Variants in COL20A1 observed in about 807,000 individuals in gnomAD.
COL20A1 encodes the protein collagen type XX alpha 1 chain.
In COL20A1, 164 loss-of-function variants were observed where a neutral mutation model predicts 152.9. The ratio of observed to expected loss-of-function variants is 1.07; its 90% CI spans 0.94 to 1.22. The LOEUF (loss-of-function observed/expected upper bound fraction) is 1.22. Among genes scored for constraint, COL20A1 ranks in the 50% most tolerant of loss-of-function variants. COL20A1 has a pLI of 0.00. For synonymous variants in COL20A1, 864 were observed against 756.0 expected (o/e 1.14, Z -2.34); for missense variants, 1,873 against 1,744.8 (o/e 1.07, Z -1.31).
At chr20:63,325,192 G>T in intron 27 of COL20A1, 1 of 661,606 alleles carries the variant, frequency 1.5e-6, no homozygotes, top group Non-Finnish European at 2.8e-6. Flanking sequence ...TGGGAGGGCT[G>T]GCTGTGACCC....
chr20:63,327,981 A>G lies in COL20A1; in HGVS notation c.3558A>G (p.Gly1186=). The G allele has an allele frequency of 6.2e-7, 1 of 1,608,102 alleles. No individual in the cohort carries two copies. The highest frequency in any genetic ancestry group is 8.5e-7 in the Non-Finnish European group (1 of 1,177,274). ...TGLPGPKGER[G]EKGEPQSLAT... Reference sequence around the variant, plus strand: ...TGCCAGGGCCCAAAGGGGAACGAGGAGAGAAGGTAAGTGAGGCTGAGATCT... The same window carrying G: ...TGCCAGGGCCCAAAGGGGAACGAGGGGAGAAGGTAAGTGAGGCTGAGATCT... Residue 1186 remains glycine (G), a synonymous_variant, in exon 32 of 36, where the codon GGA becomes GGG. Transcript: ENST00000358894.
At chr20:63,316,471 G>T in intron 20 of COL20A1, 82 bp from the exon 21 acceptor site, 1 of 902,550 alleles carries the variant, frequency 1.1e-6, no homozygotes, top group Non-Finnish European at 1.5e-6. Context: ...GGTCCCTCTT[G>T]AGTCCCCGCT....
Position 63,315,395 on chromosome 20 carries a change from T to C in COL20A1, c.2489-9T>C. ...TCCCACTCACACTGACCCTGTCTCC[T>C]CTCAGCAGCCTGCCCAGCCCTCCGC... On this transcript the variant is annotated splice_polypyrimidine_tract_variant and intron_variant, in intron 19 of 35. Transcript: ENST00000358894. 1 of 1,573,814 alleles carries C rather than the reference T, an allele frequency of 6.4e-7. No homozygotes were observed. Among genetic ancestry groups the C allele is most frequent in the South Asian group, 1.2e-5 (1 of 85,886 alleles).
intron 2 of COL20A1, among the ~76,000 whole-genome samples, chr20:63,296,236 C>T (rs1429930342): frequency 6.6e-6 from 1 of 152,384 alleles, no homozygotes; most frequent in Non-Finnish European, 1.5e-5. Flanking sequence ...GTAACCCTGC[C>T]CTGGGGCCAG....
intron 3 of COL20A1, 84 bp downstream of exon 3, chr20:63,298,104 GC>G: frequency 1.2e-6 from 1 of 863,918 alleles, no homozygotes; most frequent in South Asian, 1.5e-5. Context: ...CACCACTCAG[GC>G]CCACAGCATC....
Position 63,314,140 on chromosome 20 carries a change from C to G in COL20A1, c.2427C>G (p.Val809=), listed in dbSNP as rs2068054348. The G allele has an allele frequency of 6.2e-7, 1 of 1,606,394 alleles. No homozygotes were observed. Among genetic ancestry groups the G allele is most frequent in the Non-Finnish European group, 8.5e-7 (1 of 1,176,846 alleles). ...TGCAGGCAGCCACGAAGTACAGGGT[C>G]CTGGTCTCAGCTATCTATGCAGCAG... ...PDLQAATKYR[V]LVSAIYAAGR... is the part of the protein sequence containing the mutation. The change falls in exon 19 of 36, where the codon GTC becomes GTG. Residue 809 remains valine, a synonymous_variant. Transcript: ENST00000358894.
At chr20:63,310,194 C>A (rs1408120960) in intron 10 of COL20A1, among the ~76,000 whole-genome samples, 187 bp from the exon 11 acceptor site, 2 of 152,038 alleles carry the variant, frequency 1.3e-5, no homozygotes, top group Admixed American at 1.3e-4. Context: ...TTTGATTGAT[C>A]GATCGATGGA....
At chr20:63,323,003 C>A (rs2068188373) in intron 27 of COL20A1, among the ~76,000 whole-genome samples, 1 of 152,240 alleles carries the variant, frequency 6.6e-6, no homozygotes, top group African/African-American at 2.4e-5. Context: ...GGGTGGATGT[C>A]CCCACACTGG....
intron 27 of COL20A1, among the ~76,000 whole-genome samples, chr20:63,323,401 T>C (rs2068196798): frequency 6.6e-6 from 1 of 152,234 alleles, no homozygotes; most frequent in Admixed American, 6.5e-5. Context: ...CTGAATTTTG[T>C]ATCCTGTTTT....
rs1449216683 is a variant in COL20A1, at chr20:63,331,212, C to G, written c.*496C>G. 1 of 152,476 alleles carries G rather than the reference C, an allele frequency of 6.6e-6. No individual in the cohort carries two copies. The highest frequency in any genetic ancestry group is 2.1e-4 in the South Asian group (1 of 4,832). The allele number at this position is 152,476 out of a possible 1,614,324, so 9.4% of individuals were successfully genotyped here. A position where few individuals can be genotyped will look rare whatever the true frequency, so the allele number is the denominator to read the frequency against. On this transcript the variant is annotated 3_prime_UTR_variant, in exon 36 of 36. Transcript: ENST00000358894. ...CGCCTCACGCAGGCAACAGATGGTT[C>G]CACTGCTGGCCCACCAGTCACCTGC... is the stretch of plus-strand genomic sequence containing the variant.
At chr20:63,317,651 CT>C (rs1259535237) in intron 21 of COL20A1, among the ~76,000 whole-genome samples, 1 of 152,128 alleles carries the variant, frequency 6.6e-6, no homozygotes, top group African/African-American at 2.4e-5. Flanking sequence ...CCCTGGCCCC[CT>C]GGTCACCACG....
Position 63,320,474 on chromosome 20 carries a change from T to G in COL20A1, c.3153+106T>G. ...TGGCCTGTCCAGATTGTCACCGTGC[T>G]GGGAGAGATCAGGGAAGGCTTTCAG... On this transcript the variant is annotated intron_variant, in intron 25 of 35. Coordinates refer to ENST00000358894, the MANE Select transcript of COL20A1 (RefSeq NM_020882.4). 2.7e-6 allele frequency: 3 copies of G among 1,127,940 alleles called. No individual in the cohort carries two copies. In the Admixed American group the frequency reaches 5.4e-5, roughly 20 times the overall value. The allele number at this position is 1,127,940 out of a possible 1,614,324, so 69.9% of individuals were successfully genotyped here.
intron 28 of COL20A1, 61 bp from the exon 29 acceptor site, chr20:63,325,607 C>A: frequency 1.3e-6 from 2 of 1,571,888 alleles, no homozygotes; most frequent in East Asian, 2.3e-5. Flanking sequence ...GCCTCACAGG[C>A]AGGGCCACCT....
At chr20:63,316,865 T>A (rs1014311643) in intron 21 of COL20A1, among the ~76,000 whole-genome samples, 174 bp downstream of exon 21, 4 of 152,190 alleles carry the variant, frequency 2.6e-5, no homozygotes, top group Non-Finnish European at 5.9e-5. Context: ...ACTTCAGAAA[T>A]TCACATTTTA....
At chr20:63,298,833 C>G (rs1344669796) in intron 3 of COL20A1, among the ~76,000 whole-genome samples, 4 of 152,208 alleles carry the variant, frequency 2.6e-5, no homozygotes, top group African/African-American at 9.6e-5. Flanking sequence ...GAAAAGCACA[C>G]AGGCATAAAT....
Position 63,306,183 on chromosome 20 carries a change from T to A in COL20A1, c.496+144T>A. The A allele has an allele frequency of 1.6e-6, 1 of 641,302 alleles. No individual in the cohort carries two copies. The highest frequency in any genetic ancestry group is 2.6e-6 in the Non-Finnish European group (1 of 379,816). 39.7% of individuals were successfully genotyped at this position (641,302 alleles called of 1,614,324 possible). A position where few individuals can be genotyped will look rare whatever the true frequency, so the allele number is the denominator to read the frequency against. ...CGAGGCCAGGAAGTTCTTCCTCGTG[T>A]CTGACCACACGGTCTCTGACCACGA... On this transcript the variant is annotated intron_variant, in intron 5 of 35. Transcript: ENST00000358894. The surrounding 1 kb of genome is among the most constrained non-coding windows in gnomAD (Gnocchi z 6.9).
At chr20:63,321,996 T>C (rs1454712200) in intron 26 of COL20A1, 62 bp from the exon 27 acceptor site, 1 of 1,402,524 alleles carries the variant, frequency 7.1e-7, no homozygotes, top group Admixed American at 2.4e-5. Flanking sequence ...CAGGGGCTGG[T>C]CTTTGCTCCT....
intron 14 of COL20A1, 79 bp downstream of exon 14, chr20:63,312,134 A>C: frequency 7.0e-7 from 1 of 1,432,874 alleles, no homozygotes; most frequent in African/African-American, 1.4e-5. Flanking sequence ...GGTGGAGCCA[A>C]CCATCAGATA....
chr20:63,297,281 A>C (rs1352373776), intron 2 of COL20A1, among the ~76,000 whole-genome samples: 1 of 146,844 alleles, frequency 6.8e-6, no homozygotes, highest in East Asian at 2.0e-4. Flanking sequence ...GACTTAGCTC[A>C]GGGGACCCAG....
Sources: gnomAD v4.1 joint callset for allele counts (sites outside exome capture counted in the v4.1 genomes callset) on GRCh38, gnomAD v4.1.1 for gene constraint, Gnocchi (gnomAD v3.1) non-coding constraint, MANE v1.5 for transcripts, NCBI Gene and HGNC (gene_info 2026-07-23, HGNC 2026-07-21) for gene names.